The following LINGO2 variants were observed in gnomAD, a reference collection of about 807,000 sequenced individuals.
The protein encoded by LINGO2 is leucine-rich repeat and immunoglobulin-like domain-containing nogo receptor-interacting protein 2.
A neutral mutation model predicts 30.6 loss-of-function variants in LINGO2; 14 were observed. The ratio of observed to expected loss-of-function variants is 0.46; its 90% CI spans 0.30 to 0.72. The LOEUF (loss-of-function observed/expected upper bound fraction) is 0.72, where lower values mean the gene tolerates loss of function less well. LINGO2 is among the 30% of genes least tolerant of loss of function. LINGO2 has a pLI of 0.07. For missense variants in LINGO2, 729 were observed against 751.7 expected, an observed-to-expected ratio of 0.97 and a Z score of 0.35; for synonymous variants, 317 against 288.5, an observed-to-expected ratio of 1.10 and a Z score of -1.00.
the LINGO2 span, among the ~76,000 whole-genome samples, chr9:29,197,440 T>A: frequency 6.6e-6 from 1 of 152,046 alleles, no homozygotes; most frequent in Non-Finnish European, 1.5e-5. Context: ...AATGTGATTA[T>A]ACTTGTTACA....
intron 4 of LINGO2, among the ~76,000 whole-genome samples, chr9:28,183,612 C>T (rs1374711196): frequency 6.6e-6 from 1 of 152,050 alleles, no homozygotes; most frequent in Non-Finnish European, 1.5e-5. Context: ...GCAGAGCCCT[C>T]ATAGGGGGTC....
chr9:29,043,186 A>C, the LINGO2 span, among the ~76,000 whole-genome samples: 19 of 151,978 alleles, frequency 1.3e-4, no homozygotes, highest in Non-Finnish European at 2.4e-4. Flanking sequence ...TATTTCACCT[A>C]CCACTGCCTA....
intron 1 of LINGO2, among the ~76,000 whole-genome samples, chr9:28,507,466 C>A (rs1334204542): frequency 6.6e-6 from 1 of 152,120 alleles, no homozygotes. Flanking sequence ...CACTCACCAT[C>A]CTACCTTAGA....
At chr9:28,348,962 C>A (rs1198672064) in intron 3 of LINGO2, among the ~76,000 whole-genome samples, 1 of 150,952 alleles carries the variant, frequency 6.6e-6, no homozygotes, top group Non-Finnish European at 1.5e-5. Flanking sequence ...GGAAAACTAA[C>A]AAACAGAAAG....
At chr9:28,844,619 T>C in the LINGO2 span, among the ~76,000 whole-genome samples, 1 of 151,810 alleles carries the variant, frequency 6.6e-6, no homozygotes, top group Non-Finnish European at 1.5e-5. Context: ...CCCTACTGTA[T>C]GCTGGAAAAA....
chr9:28,637,474 C>G (rs569696074), intron 1 of LINGO2, among the ~76,000 whole-genome samples: 12 of 152,080 alleles, frequency 7.9e-5, no homozygotes, highest in Non-Finnish European at 1.3e-4. Flanking sequence ...TCTTCCATTT[C>G]TTTGTATCCT....
intron 1 of LINGO2, among the ~76,000 whole-genome samples, chr9:28,638,749 G>A (rs1234227836): frequency 6.6e-6 from 1 of 151,870 alleles, no homozygotes; most frequent in Non-Finnish European, 1.5e-5. Context: ...TATCAATTTT[G>A]TTGCTCTTTT....
chr9:28,273,713 A>C (rs1823021941), intron 4 of LINGO2, among the ~76,000 whole-genome samples: 2 of 152,236 alleles, frequency 1.3e-5, no homozygotes, highest in Admixed American at 1.3e-4. Context: ...CATAAAATCC[A>C]GGGAAGAAAA....
intron 4 of LINGO2, among the ~76,000 whole-genome samples, chr9:28,199,351 T>TCCTCCTCCTCCTCCTCCTCC (rs1290385489): frequency 3.9e-4 from 59 of 149,814 alleles, no homozygotes; most frequent in Non-Finnish European, 5.2e-4. Flanking sequence ...CTTCTTTTTT[T>TCCTCCTCCTCCTCCTCCTCC]TTTTTTGAGA....
chr9:28,549,557 A>AG (rs1157896776), intron 1 of LINGO2, among the ~76,000 whole-genome samples: 2 of 152,040 alleles, frequency 1.3e-5, no homozygotes, highest in Non-Finnish European at 2.9e-5. Flanking sequence ...TAGTTGTACC[A>AG]GTTTACAGTT....
intron 1 of LINGO2, among the ~76,000 whole-genome samples, chr9:28,594,522 C>CT (rs1309978005): frequency 6.6e-6 from 1 of 152,098 alleles, no homozygotes; most frequent in African/African-American, 2.4e-5. Flanking sequence ...TACGCTTGCA[C>CT]TTGCCTTCTT....
At chr9:28,997,071 G>T in the LINGO2 span, among the ~76,000 whole-genome samples, 1 of 152,090 alleles carries the variant, frequency 6.6e-6, no homozygotes, top group African/African-American at 2.4e-5. Context: ...GATTACTATT[G>T]CAACCAGATG....
At chr9:28,593,401 T>C (rs1444679055) in intron 1 of LINGO2, among the ~76,000 whole-genome samples, 1 of 152,100 alleles carries the variant, frequency 6.6e-6, no homozygotes, top group Non-Finnish European at 1.5e-5. Context: ...TTTTTGACGT[T>C]CTTTCCCAGG....
chr9:28,454,537 T>C (rs922231500), intron 2 of LINGO2, among the ~76,000 whole-genome samples: 1 of 152,048 alleles, frequency 6.6e-6, no homozygotes. Flanking sequence ...GTCTCAAATG[T>C]TGCATTTAAA....
At chr9:28,746,460 C>G in the LINGO2 span, among the ~76,000 whole-genome samples, 3 of 151,822 alleles carry the variant, frequency 2.0e-5, no homozygotes, top group Non-Finnish European at 4.4e-5. Context: ...TCTAATTGGT[C>G]AAGATGTTTT....
At chr9:28,051,036 C>G (rs1824648000) in intron 4 of LINGO2, among the ~76,000 whole-genome samples, 2 of 150,912 alleles carry the variant, frequency 1.3e-5, no homozygotes, top group African/African-American at 2.5e-5. Context: ...TAGCTAACCT[C>G]TTTCTCAGTT....
the LINGO2 span, among the ~76,000 whole-genome samples, chr9:28,776,274 TTC>T: frequency 0.15 from 22,630 of 152,050 alleles, 2,022 homozygotes; most frequent in East Asian, 0.43. Context: ...CACAATTTTT[TTC>T]TCTCTTTTTC....
the LINGO2 span, among the ~76,000 whole-genome samples, chr9:28,876,043 T>A: frequency 3.9e-5 from 6 of 152,076 alleles, no homozygotes; most frequent in Non-Finnish European, 7.4e-5. Flanking sequence ...TTAAACCCTT[T>A]CACTCCGAGT....
intron 4 of LINGO2, among the ~76,000 whole-genome samples, chr9:28,189,353 AAGGGAGGGAGGG>A (rs1819683009): frequency 8.8e-4 from 7 of 7,980 alleles, no homozygotes; most frequent in Non-Finnish European, 1.4e-3. Flanking sequence ...GGGAGGAAGG[AAGGGAGGGAGGG>A]AGGAAGGGAG....
Sources: gnomAD v4.1 joint callset for allele counts (sites outside exome capture counted in the v4.1 genomes callset) on GRCh38, gnomAD v4.1.1 for gene constraint, MANE v1.5 for transcripts, NCBI Gene and HGNC (gene_info 2026-07-23, HGNC 2026-07-21) for gene names.